The following STK38L variants were observed in gnomAD, a reference collection of about 807,000 sequenced individuals.
The protein encoded by STK38L is serine/threonine kinase 38 like, also known as serine/threonine-protein kinase 38-like.
STK38L carries 28 observed loss-of-function variants against 59.7 expected under a neutral mutation model. The ratio of observed to expected loss-of-function variants is 0.47; its 90% confidence interval spans 0.35 to 0.64. The LOEUF (loss-of-function observed/expected upper bound fraction) is 0.64, where lower values mean the gene tolerates loss of function less well. Among genes scored for constraint, STK38L ranks in the 30% least tolerant of loss-of-function variants. The pLI, the probability that STK38L is intolerant of heterozygous loss-of-function variation, is 0.01. For synonymous variants in STK38L, 162 were observed against 176.8 expected (o/e 0.92, Z 0.66); for missense variants, 314 against 555.8 (o/e 0.56, Z 4.37).
intron 7 of STK38L, 112 bp from the exon 8 acceptor site, chr12:27,314,903 T>C: frequency 1.1e-6 from 1 of 949,382 alleles, no homozygotes; most frequent in Non-Finnish European, 1.5e-6. Flanking sequence ...TTTACGTGTA[T>C]AAATCCCAAG....
rs1944538191 is a variant in STK38L, at chr12:27,314,522, T to C, written c.536T>C (p.Leu179Pro). 6.3e-7 allele frequency: 1 copy of C among 1,575,648 alleles called. No homozygotes were observed. The highest frequency in any genetic ancestry group is 8.6e-7 in the Non-Finnish European group (1 of 1,161,342). ...FLPGGDMMTL[L>P]MKKDTLTEEE... ...TATTTAGGTGACATGATGACATTGC[T>C]AATGAAGAAAGACACCTTGACAGAA... is the stretch of plus-strand genomic sequence containing the variant. The change falls in exon 7 of 14, where the codon CTA becomes CCA. Residue 179 changes from leucine (L) to proline (P), a missense_variant. This residue lies in a region of STK38L where 192 missense variants were observed against 316.9 expected (regional missense o/e 0.61). Transcript: ENST00000389032.
At chr12:27,244,505 C>T (rs1942806494) in intron 1 of STK38L, among the ~76,000 whole-genome samples, 173 bp downstream of exon 1, 1 of 152,228 alleles carries the variant, frequency 6.6e-6, no homozygotes, top group African/African-American at 2.4e-5. Context: ...CCTTGGCCCT[C>T]TTATTCCCCG....
chr12:27,316,486 G>A (rs540154017), intron 9 of STK38L, among the ~76,000 whole-genome samples: 112 of 152,250 alleles, frequency 7.4e-4, no homozygotes, highest in Non-Finnish European at 9.6e-4. Context: ...GCCTTAGATC[G>A]AGTGTTTCCC....
At chr12:27,299,800 AAGTC>A (rs1244167096) in intron 2 of STK38L, among the ~76,000 whole-genome samples, 16 of 152,170 alleles carry the variant, frequency 1.1e-4, no homozygotes, top group Admixed American at 3.3e-4. Context: ...GAGAAAAAAA[AAGTC>A]AGTTCAAAAA....
In STK38L at chr12:27,295,910, G is replaced by A. The variant is rs114819381; in HGVS notation, c.-11-1800G>A. Among the ~76,000 whole-genome samples the A allele has an allele frequency of 2.5e-3, 382 of 152,344 alleles. 2 individuals are homozygous for A. Among genetic ancestry groups the A allele is most frequent in the African/African-American group, 9.0e-3 (373 of 41,568 alleles). On this transcript the variant is annotated intron_variant, in intron 1 of 13. Coordinates refer to ENST00000389032, the MANE Select transcript of STK38L (RefSeq NM_015000.4). Reference sequence around the variant, plus strand: ...ATAACTGCTTCAGGGATAGGTCATGGAAGAGCTTGGAGGCATGAAAGAGCT... The same window carrying A: ...ATAACTGCTTCAGGGATAGGTCATGAAAGAGCTTGGAGGCATGAAAGAGCT...
At chr12:27,299,585 A>T (rs1046304783) in intron 2 of STK38L, among the ~76,000 whole-genome samples, 4 of 152,220 alleles carry the variant, frequency 2.6e-5, no homozygotes, top group Admixed American at 2.0e-4. Context: ...ACACATTAAA[A>T]AATAGAACGA....
At chr12:27,276,551 C>A (rs1943542174) in intron 1 of STK38L, among the ~76,000 whole-genome samples, 1 of 151,340 alleles carries the variant, frequency 6.6e-6, no homozygotes, top group Non-Finnish European at 1.5e-5. Flanking sequence ...GGTGGAAGTG[C>A]AAGGAAGAAA....
rs1156816380 is a variant in STK38L at position 27,308,937 on chromosome 12, AT to A, written c.310-176del. ...ATATATTAATATATATAAAATATATATAAATATATATATAACATATATAAAA... is the reference window on the plus strand; with the variant it reads ...ATATATTAATATATATAAAATATATAAAATATATATATAACATATATAAAA... On this transcript the variant is annotated intron_variant, in intron 4 of 13. Coordinates refer to ENST00000389032, the MANE Select transcript of STK38L (RefSeq NM_015000.4). This position sits in a 1 kb window ranked among gnomAD's most constrained non-coding sequence, Gnocchi z 4.5. Among the ~76,000 whole-genome samples the A allele has an allele frequency of 2.1e-5, 3 of 145,272 alleles. No homozygotes were observed. Among genetic ancestry groups the A allele is most frequent in the Non-Finnish European group, 4.6e-5 (3 of 65,920 alleles).
At chr12:27,271,234 A>G (rs1186486172) in intron 1 of STK38L, among the ~76,000 whole-genome samples, 3 of 152,256 alleles carry the variant, frequency 2.0e-5, no homozygotes, top group African/African-American at 4.8e-5. Context: ...ACGTAGATTC[A>G]TAGGTATCTG....
At chr12:27,244,572 T>C (rs1360600841) in intron 1 of STK38L, among the ~76,000 whole-genome samples, 1 of 152,140 alleles carries the variant, frequency 6.6e-6, no homozygotes, top group Non-Finnish European at 1.5e-5. Flanking sequence ...GGAGGAATCT[T>C]TGTCCTCTGC....
intron 1 of STK38L, among the ~76,000 whole-genome samples, chr12:27,283,764 C>G (rs1293749090): frequency 6.6e-6 from 1 of 151,986 alleles, no homozygotes; most frequent in Middle Eastern, 3.2e-3. Context: ...CTTTTTTCCC[C>G]TCTGTTATTC....
chr12:27,255,108 T>C (rs1406434428), intron 1 of STK38L, among the ~76,000 whole-genome samples: 5 of 152,200 alleles, frequency 3.3e-5, no homozygotes, highest in African/African-American at 1.2e-4. Flanking sequence ...ATTTCTGAAA[T>C]GTAGTTAAAG....
chr12:27,300,336 A>G (rs1944135524), intron 2 of STK38L, among the ~76,000 whole-genome samples: 1 of 152,246 alleles, frequency 6.6e-6, no homozygotes, highest in African/African-American at 2.4e-5. Context: ...TTTTTAAAAA[A>G]GGTACAACAG....
intron 1 of STK38L, among the ~76,000 whole-genome samples, chr12:27,262,800 A>ATTTT (rs34286400): frequency 1.4e-5 from 2 of 140,854 alleles, no homozygotes; most frequent in African/African-American, 2.6e-5. Context: ...GACTCTGAGA[A>ATTTT]TTTTTTTTTT....
intron 1 of STK38L, among the ~76,000 whole-genome samples, chr12:27,297,400 T>G (rs140849528): frequency 6.6e-6 from 1 of 152,366 alleles, no homozygotes; most frequent in East Asian, 1.9e-4. Flanking sequence ...GCTGGAACTT[T>G]TCTTGTTTTG....
At chr12:27,279,584 G>T (rs1309196275) in intron 1 of STK38L, among the ~76,000 whole-genome samples, 1 of 151,760 alleles carries the variant, frequency 6.6e-6, no homozygotes, top group Non-Finnish European at 1.5e-5. Context: ...AAATTAGCCG[G>T]GCGTGGTGGT....
intron 1 of STK38L, among the ~76,000 whole-genome samples, chr12:27,295,490 A>G (rs149895427): frequency 3.9e-5 from 6 of 152,310 alleles, no homozygotes; most frequent in East Asian, 1.9e-4. Flanking sequence ...TTATTAGCCA[A>G]TCTTTACAGA....
chr12:27,267,318 A>G (rs12814069), intron 1 of STK38L, among the ~76,000 whole-genome samples: 11,198 of 152,244 alleles, frequency 0.074, 487 homozygotes, highest in African/African-American at 0.12. Flanking sequence ...ATGGTGGCTC[A>G]CACCTGTAAT....
intron 1 of STK38L, among the ~76,000 whole-genome samples, chr12:27,260,481 G>C (rs971271464): frequency 6.6e-6 from 1 of 152,106 alleles, no homozygotes; most frequent in Non-Finnish European, 1.5e-5. Context: ...AGTCCTTACT[G>C]TCTTTGCGGG....
Sources: allele counts gnomAD v4.1 joint callset (sites outside exome capture counted in the v4.1 genomes callset), GRCh38; gene constraint gnomAD v4.1.1; regional missense constraint gnomAD v4.1.1; non-coding constraint Gnocchi (gnomAD v3.1); transcripts MANE v1.5; gene names NCBI Gene and HGNC (gene_info 2026-07-23, HGNC 2026-07-21).